MXD1: variants seen among roughly 807,000 people sequenced by gnomAD.
The protein encoded by MXD1 is MAX-binding protein.
In MXD1, 9 loss-of-function variants were observed where a neutral mutation model predicts 25.7. The observed-to-expected ratio is 0.35, with a 90% CI of 0.21 to 0.61. MXD1 has a LOEUF of 0.61. MXD1 is among the 20% of genes least tolerant of loss of function. The probability of loss-of-function intolerance (pLI) is 0.75; values close to 1 mark genes in which losing one functional copy is unlikely to be tolerated. For synonymous variants in MXD1, 99 were observed against 113.9 expected (o/e 0.87, Z 0.83); for missense variants, 227 against 292.4 (o/e 0.78, Z 1.63).
intron 3 of MXD1, among the ~76,000 whole-genome samples, chr2:69,932,288 A>G (rs1677306013): frequency 6.6e-6 from 1 of 152,148 alleles, no homozygotes; most frequent in African/African-American, 2.4e-5. Context: ...TGTACATAAC[A>G]GAGGGGTCTG....
intron 3 of MXD1, among the ~76,000 whole-genome samples, chr2:69,932,620 C>T (rs987034568): frequency 1.3e-5 from 2 of 152,222 alleles, no homozygotes; most frequent in African/African-American, 4.8e-5. Flanking sequence ...AGTCAAATGG[C>T]TTATTTCTAG....
Position 69,917,264 on chromosome 2 carries a change from G to C in MXD1, c.173+1044G>C, listed in dbSNP as rs923322176. On this transcript the variant is annotated intron_variant, in intron 2 of 5. Transcript: ENST00000264444. ...CTTTAGTATCGTTAGTGGAACCACA[G>C]GATGTGAGCAGCATTACTTGTGCCA... Among the ~76,000 whole-genome samples, 5 of 152,214 alleles carry C rather than the reference G, an allele frequency of 3.3e-5. No individual in the cohort carries two copies. The South Asian group carries it at 6.2e-4, about 19-fold the overall frequency.
At chr2:69,932,885 A>G (rs1203620178) in intron 3 of MXD1, among the ~76,000 whole-genome samples, 1 of 152,200 alleles carries the variant, frequency 6.6e-6, no homozygotes, top group Non-Finnish European at 1.5e-5. Context: ...AAAAATATCT[A>G]AATATAATTT....
At chr2:69,921,668 G>C in intron 2 of MXD1, 68 bp from the exon 3 acceptor site, 1 of 1,403,954 alleles carries the variant, frequency 7.1e-7, no homozygotes, top group Non-Finnish European at 9.8e-7. Context: ...TAAAAGAATT[G>C]TGTTGGTGTT....
intron 2 of MXD1, among the ~76,000 whole-genome samples, chr2:69,919,565 G>A (rs1054062661): frequency 5.9e-5 from 9 of 151,912 alleles, no homozygotes; most frequent in African/African-American, 1.5e-4. Flanking sequence ...GGCTGGTCTC[G>A]AACTCCTGAC....
At position 69,916,145 on chromosome 2, in the gene MXD1, T is replaced by C. The variant is rs1372216287; in HGVS notation, c.98T>C (p.Met33Thr). ...EREAEHGYASMLPYNNKDRDA... is the reference protein window; with the variant it reads ...EREAEHGYASTLPYNNKDRDA... The stretch of plus-strand genomic sequence containing the variant: ...GAAGCTGAACATGGTTATGCCTCCA[T>C]GTTACCATACAATAACAAGGACAGA... The change falls in exon 2 of 6, where the codon ATG becomes ACG. Residue 33 changes from methionine to threonine, a missense_variant. Met to Thr is a moderately conservative substitution (Grantham distance 81, BLOSUM62 -1). Coordinates refer to ENST00000264444, the MANE Select transcript of MXD1 (RefSeq NM_002357.4). 4 of 1,612,954 alleles carry C rather than the reference T, an allele frequency of 2.5e-6. No homozygotes were observed. Among genetic ancestry groups the C allele is most frequent in the Non-Finnish European group, 3.4e-6 (4 of 1,179,122 alleles).
rs1325631319 is a variant in MXD1, at chr2:69,935,312, G to C, written c.204-39G>C. 2.0e-6 allele frequency: 3 copies of C among 1,495,668 alleles called. No individual in the cohort carries two copies. In the Admixed American group the frequency reaches 5.0e-5, roughly 25 times the overall value. 92.6% of individuals were successfully genotyped at this position (1,495,668 alleles called of 1,614,324 possible). Reference sequence around the variant, plus strand: ...CTGCCTGGGGTGCTTCTGGCCCACTGTGAAACTCTCAAATGCTACTGTGGT... The same window carrying C: ...CTGCCTGGGGTGCTTCTGGCCCACTCTGAAACTCTCAAATGCTACTGTGGT... On this transcript the variant is annotated intron_variant, in intron 3 of 5. Coordinates refer to ENST00000264444, the MANE Select transcript of MXD1 (RefSeq NM_002357.4).
At chr2:69,932,970 A>G (rs1196894263) in intron 3 of MXD1, among the ~76,000 whole-genome samples, 5 of 152,214 alleles carry the variant, frequency 3.3e-5, no homozygotes, top group Non-Finnish European at 7.4e-5. Context: ...AGGCTGAGGC[A>G]GGCAGATTGC....
At chr2:69,924,756 A>C (rs535355038) in intron 3 of MXD1, among the ~76,000 whole-genome samples, 4 of 152,318 alleles carry the variant, frequency 2.6e-5, no homozygotes, top group Non-Finnish European at 5.9e-5. Flanking sequence ...CTCTCAAAAA[A>C]AAAAGGAAGA....
chr2:69,935,495 C>A, intron 4 of MXD1, 30 bp downstream of exon 4: 1 of 1,452,012 alleles, frequency 6.9e-7, no homozygotes, highest in South Asian at 1.1e-5. Context: ...GCTGCTTTAT[C>A]TTTACCTGTT....
In MXD1 at chr2:69,916,157, A is replaced by G; in HGVS notation, c.110A>G (p.Asn37Ser). The part of the protein sequence containing the change: ...EHGYASMLPY[N>S]NKDRDALKRR... ...GGTTATGCCTCCATGTTACCATACAATAACAAGGACAGAGATGCCTTAAAA... is the reference window on the plus strand; with the variant it reads ...GGTTATGCCTCCATGTTACCATACAGTAACAAGGACAGAGATGCCTTAAAA... Residue 37 changes from asparagine to serine, a missense_variant, in exon 2 of 6, where the codon AAT (asparagine) becomes AGT (serine). Transcript: ENST00000264444. 1.2e-6 allele frequency: 2 copies of G among 1,613,192 alleles called. No individual in the cohort carries two copies. Among genetic ancestry groups the G allele is most frequent in the Non-Finnish European group, 1.7e-6 (2 of 1,179,222 alleles).
chr2:69,920,333 T>C (rs891353078), intron 2 of MXD1, among the ~76,000 whole-genome samples: 3 of 152,194 alleles, frequency 2.0e-5, no homozygotes, highest in African/African-American at 7.2e-5. Flanking sequence ...ATACATGAGG[T>C]CCATATATTG....
At chr2:69,933,245 A>G (rs181288277) in intron 3 of MXD1, among the ~76,000 whole-genome samples, 4 of 151,266 alleles carry the variant, frequency 2.6e-5, no homozygotes, top group Non-Finnish European at 5.9e-5. Flanking sequence ...AAATTAGTCT[A>G]TAAGTTTTAT....
chr2:69,932,418 A>G (rs1023846495), intron 3 of MXD1, among the ~76,000 whole-genome samples: 9 of 152,198 alleles, frequency 5.9e-5, no homozygotes, highest in African/African-American at 1.7e-4. Flanking sequence ...GGATGTCTGC[A>G]GGCAGTGGCA....
chr2:69,938,104 CGACGTTGACGTG>C lies in MXD1; in HGVS notation c.489_500del (p.Asp163_Val166del). On this transcript the variant is annotated inframe_deletion, in exon 6 of 6. Coordinates refer to ENST00000264444, the MANE Select transcript of MXD1 (RefSeq NM_002357.4). ...CTCTTGTCCTCCCTGCAGAAGAAAT[CGACGTTGACGTG>C]GAGAGCACGGACTATCTCACAGGTG... 1.2e-6 allele frequency: 2 copies of C among 1,613,768 alleles called. No individual in the cohort carries two copies. The highest frequency in any genetic ancestry group is 4.5e-5 in the East Asian group (2 of 44,878).
chr2:69,932,146 C>G (rs1204427952), intron 3 of MXD1, among the ~76,000 whole-genome samples: 1 of 151,986 alleles, frequency 6.6e-6, no homozygotes, highest in African/African-American at 2.4e-5. Context: ...GTTTGTTCTG[C>G]TTGTTTTGGA....
At position 69,941,536 on chromosome 2, in the gene MXD1, T is replaced by C. The variant is rs1677600402; in HGVS notation, c.*3252T>C. On this transcript the variant is annotated 3_prime_UTR_variant, in exon 6 of 6. Coordinates refer to ENST00000264444, the MANE Select transcript of MXD1 (RefSeq NM_002357.4). ...TGTTGATTCAGAACTGAACATTAAG[T>C]AGGCCCTCGTCCTGCAGTTGGCCAC... 1 of 152,228 alleles carries C rather than the reference T, an allele frequency of 6.6e-6. No individual in the cohort carries two copies. Among genetic ancestry groups the C allele is most frequent in the Admixed American group, 6.5e-5 (1 of 15,280 alleles). 9.4% of individuals were successfully genotyped at this position (152,228 alleles called of 1,614,324 possible). A position where few individuals can be genotyped will look rare whatever the true frequency, so the allele number is the denominator to read the frequency against.
In MXD1 at chr2:69,938,423, T is replaced by C; in HGVS notation, c.*139T>C. ...ACCAAAATCAGCTTTGTAACTGTTT[T>C]CAAGGAGGTGCTTAGGATTGTGGGT... is the stretch of plus-strand genomic sequence containing the variant. On this transcript the variant is annotated 3_prime_UTR_variant, in exon 6 of 6. Transcript: ENST00000264444. The C allele has an allele frequency of 6.2e-6, 5 of 809,678 alleles. No homozygotes were observed. The highest frequency in any genetic ancestry group is 9.8e-6 in the Non-Finnish European group (5 of 510,774). 50.2% of individuals were successfully genotyped at this position (809,678 alleles called of 1,614,324 possible). A position where few individuals can be genotyped will look rare whatever the true frequency, so the allele number is the denominator to read the frequency against.
At chr2:69,918,163 G>A (rs1676995526) in intron 2 of MXD1, among the ~76,000 whole-genome samples, 1 of 152,216 alleles carries the variant, frequency 6.6e-6, no homozygotes, top group African/African-American at 2.4e-5. Context: ...GCCATGTATG[G>A]TCAGAATTTT....
Sources: allele counts gnomAD v4.1 joint callset (sites outside exome capture counted in the v4.1 genomes callset), GRCh38; gene constraint gnomAD v4.1.1; transcripts MANE v1.5; gene names NCBI Gene and HGNC (gene_info 2026-07-23, HGNC 2026-07-21).